Variants in MTCL2 observed in about 807,000 individuals in gnomAD.
MTCL2 encodes microtubule crosslinking factor 2.
the MTCL2 span, chr20:36,859,624 T>C: frequency 8.1e-7 from 1 of 1,231,750 alleles, no homozygotes; most frequent in Non-Finnish European, 1.0e-6. Context: ...AGTTGCCCGA[T>C]TTATGCTTTC....
At chr20:36,836,099 AG>A in the MTCL2 span, among the ~76,000 whole-genome samples, 1 of 15,134 alleles carries the variant, frequency 6.6e-5, no homozygotes, top group East Asian at 2.4e-3. Flanking sequence ...CTCCCAACCC[AG>A]TGATTGGAAT....
chr20:36,794,401 G>A, the MTCL2 span: 2 of 1,613,716 alleles, frequency 1.2e-6, no homozygotes, highest in East Asian at 4.5e-5. This position sits in a 1 kb window ranked among gnomAD's most constrained non-coding sequence, Gnocchi z 5.4. Context: ...GGCAGGCCAG[G>A]GCACCCAGGT....
the MTCL2 span, among the ~76,000 whole-genome samples, chr20:36,852,216 T>C: frequency 6.6e-6 from 1 of 152,002 alleles, no homozygotes; most frequent in African/African-American, 2.4e-5. Context: ...CCTGCTCCCA[T>C]ACTGCCCTGG....
chr20:36,785,622 A>C, the MTCL2 span: 2 of 985,398 alleles, frequency 2.0e-6, no homozygotes, highest in Non-Finnish European at 1.2e-6. Context: ...CCAGGGAAAG[A>C]GGCCTCTGAG....
chr20:36,816,220 C>G, the MTCL2 span: 16 of 1,613,184 alleles, frequency 9.9e-6, no homozygotes, highest in Non-Finnish European at 1.4e-5. Flanking sequence ...CTGTCATTCT[C>G]CTTGGCAAGC....
At chr20:36,844,420 AT>A in the MTCL2 span, among the ~76,000 whole-genome samples, 1 of 150,936 alleles carries the variant, frequency 6.6e-6, no homozygotes, top group Non-Finnish European at 1.5e-5. Context: ...AATAATAATA[AT>A]AACAACAATA....
chr20:36,825,471 C>A, the MTCL2 span, among the ~76,000 whole-genome samples: 1 of 152,328 alleles, frequency 6.6e-6, no homozygotes, highest in African/African-American at 2.4e-5. Flanking sequence ...CGTCAACACT[C>A]GTATTGGCTT....
the MTCL2 span, among the ~76,000 whole-genome samples, chr20:36,838,376 C>T: frequency 6.6e-6 from 1 of 152,112 alleles, no homozygotes; most frequent in African/African-American, 2.4e-5. Flanking sequence ...AGGAGGATCA[C>T]TTGAGCCCAG....
chr20:36,846,161 G>A, the MTCL2 span, among the ~76,000 whole-genome samples: 197 of 150,970 alleles, frequency 1.3e-3, no homozygotes, highest in African/African-American at 4.6e-3. Flanking sequence ...AGCCAAGATC[G>A]CACCACTGCA....
chr20:36,834,202 G>T, the MTCL2 span, among the ~76,000 whole-genome samples: 1 of 151,130 alleles, frequency 6.6e-6, no homozygotes, highest in Non-Finnish European at 1.5e-5. Flanking sequence ...AGCATCCCCT[G>T]GCCAGGCAGC....
the MTCL2 span, chr20:36,783,724 G>A: frequency 1.0e-6 from 1 of 978,740 alleles, no homozygotes; most frequent in South Asian, 4.7e-5. Context: ...TCTGCTTTGG[G>A]AATGTTACCA....
the MTCL2 span, chr20:36,783,965 T>C: frequency 2.0e-6 from 2 of 985,486 alleles, no homozygotes; most frequent in African/African-American, 1.7e-5. Flanking sequence ...CACAGTGGCA[T>C]GCAGGAAGTA....
chr20:36,829,164 C>T, the MTCL2 span: 1 of 1,609,482 alleles, frequency 6.2e-7, no homozygotes, highest in Admixed American at 1.7e-5. Context: ...CGTTTCTTCT[C>T]CACCACCTCG....
the MTCL2 span, chr20:36,797,056 G>A: frequency 2.4e-5 from 24 of 991,306 alleles, no homozygotes; most frequent in East Asian, 4.8e-5. Flanking sequence ...CTCCTCATCC[G>A]GAGAGCAGGA....
chr20:36,818,010 G>A, the MTCL2 span, among the ~76,000 whole-genome samples: 2 of 152,288 alleles, frequency 1.3e-5, no homozygotes, highest in Middle Eastern at 3.4e-3. Context: ...GGTGCTATCC[G>A]TGGATGGAGC....
At chr20:36,793,389 G>A in the MTCL2 span, 1 of 1,551,646 alleles carries the variant, frequency 6.4e-7, no homozygotes, top group African/African-American at 1.4e-5. The surrounding 1 kb of genome is among the most constrained non-coding windows in gnomAD (Gnocchi z 6.8). Flanking sequence ...ACACCCTCTG[G>A]CTGATGGTAG....
the MTCL2 span, among the ~76,000 whole-genome samples, chr20:36,810,717 C>CCTCT: frequency 0.06 from 5,663 of 94,118 alleles, 281 homozygotes; most frequent in Middle Eastern, 0.14. Context: ...TCTCTCTCTC[C>CCTCT]CTCTCTCTCT....
chr20:36,808,818 G>T, the MTCL2 span: 1 of 1,360,532 alleles, frequency 7.4e-7, no homozygotes, highest in Non-Finnish European at 9.9e-7. Context: ...CCCTGGACAG[G>T]GGCAGGGAGG....
At chr20:36,851,271 T>TA in the MTCL2 span, among the ~76,000 whole-genome samples, 1 of 152,142 alleles carries the variant, frequency 6.6e-6, no homozygotes, top group African/African-American at 2.4e-5. Context: ...CAGTATATTG[T>TA]ATATATATAC....
Sources: gnomAD v4.1 joint callset for allele counts (sites outside exome capture counted in the v4.1 genomes callset) on GRCh38, gnomAD v4.1.1 for gene constraint, Gnocchi (gnomAD v3.1) non-coding constraint, MANE v1.5 for transcripts, NCBI Gene and HGNC (gene_info 2026-07-23, HGNC 2026-07-21) for gene names.